DNAJC13: variants seen among roughly 807,000 people sequenced by gnomAD.
DNAJC13 encodes the protein DnaJ heat shock protein family (Hsp40) member C13.
In DNAJC13, 75 loss-of-function variants were observed where a neutral mutation model predicts 290.5. The observed-to-expected ratio is 0.26, with a 90% CI of 0.21 to 0.31. DNAJC13 has a LOEUF of 0.31. DNAJC13 is among the 10% of genes least tolerant of loss of function. The pLI, the probability that DNAJC13 is intolerant of heterozygous loss-of-function variation, is 1.00. For missense variants in DNAJC13, 2,260 were observed against 2,674.5 expected, an observed-to-expected ratio of 0.85 and a Z score of 3.42; for synonymous variants, 862 against 892.0, an observed-to-expected ratio of 0.97 and a Z score of 0.60.
At position 132,455,532 on chromosome 3, in the gene DNAJC13, A is replaced by G. The variant is rs909607933; in HGVS notation, c.933-703A>G. On this transcript the variant is annotated intron_variant, in intron 9 of 55. Coordinates refer to ENST00000260818, the MANE Select transcript of DNAJC13 (RefSeq NM_015268.4). ...AAGATGCCCACAGAGAGACTTGCAC[A>G]TGAATGTTCGTAATATCATTACTCA... Among the ~76,000 whole-genome samples the G allele has an allele frequency of 3.3e-5, 5 of 152,342 alleles. No individual in the cohort carries two copies. In the East Asian group the frequency reaches 9.6e-4, roughly 29 times the overall value.
chr3:132,530,994 C>G lies in DNAJC13; in HGVS notation c.6526-4C>G, dbSNP rs1248526089. On this transcript the variant is annotated splice_polypyrimidine_tract_variant and splice_region_variant and intron_variant, in intron 54 of 55. Transcript: ENST00000260818. ...TGTTCAAAGGGCTTGTTTTACTTTC[C>G]TAGGTGAATGAAATCCTGTGCCGTT... 4.3e-6 allele frequency: 7 copies of G among 1,612,872 alleles called. No individual in the cohort carries two copies. The highest frequency in any genetic ancestry group is 5.1e-6 in the Non-Finnish European group (6 of 1,178,918).
At position 132,450,747 on chromosome 3, in the gene DNAJC13, GA is replaced by G; in HGVS notation, c.438del (p.Val147TyrfsTer14). On this transcript the variant is annotated frameshift_variant, in exon 6 of 56. Transcript: ENST00000260818. LOFTEE classifies it high-confidence loss of function. The part of the protein sequence containing the change: ...GFDQINPATN[R>X]VLCSYDYRNI... ...GACCAAATTAATCCTGCAACCAACAGAGTACTCTGTTCCTATGACTATAGAA... is the reference window on the plus strand; with the variant it reads ...GACCAAATTAATCCTGCAACCAACAGGTACTCTGTTCCTATGACTATAGAA... The G allele has an allele frequency of 6.2e-7, 1 of 1,612,104 alleles. No homozygotes were observed. The highest frequency in any genetic ancestry group is 1.1e-5 in the South Asian group (1 of 91,030).
intron 2 of DNAJC13, among the ~76,000 whole-genome samples, chr3:132,442,127 G>T (rs1933091643): frequency 7.9e-6 from 1 of 126,504 alleles, no homozygotes. Context: ...AATGCCATAT[G>T]TTAAAAAAAA....
intron 1 of DNAJC13, among the ~76,000 whole-genome samples, chr3:132,426,008 C>A (rs567069592): frequency 6.6e-6 from 1 of 152,222 alleles, no homozygotes; most frequent in Non-Finnish European, 1.5e-5. Flanking sequence ...AATTATGTGT[C>A]TTCTAAAAGA....
chr3:132,440,594 A>G (rs1169804232), intron 2 of DNAJC13, among the ~76,000 whole-genome samples: 1 of 152,258 alleles, frequency 6.6e-6, no homozygotes, highest in African/African-American at 2.4e-5. Context: ...AGTATTAGGT[A>G]CAGTAACGTT....
intron 20 of DNAJC13, among the ~76,000 whole-genome samples, chr3:132,472,117 T>C (rs969353428): frequency 7.0e-6 from 1 of 142,028 alleles, no homozygotes; most frequent in Non-Finnish European, 1.6e-5. Context: ...GTGCCTGCAA[T>C]GGCAGGCACT....
At chr3:132,533,966 C>T (rs1052906228) in intron 55 of DNAJC13, among the ~76,000 whole-genome samples, 2 of 152,100 alleles carry the variant, frequency 1.3e-5, no homozygotes, top group Admixed American at 1.3e-4. Flanking sequence ...CTTGTCTGTG[C>T]CTTTCCTTTT....
At chr3:132,441,443 G>T (rs1933067139) in intron 2 of DNAJC13, among the ~76,000 whole-genome samples, 1 of 152,208 alleles carries the variant, frequency 6.6e-6, no homozygotes, top group Admixed American at 6.5e-5. Context: ...GAGATCTAGA[G>T]TGTGTAACAT....
chr3:132,516,734 G>A lies in DNAJC13; in HGVS notation c.5591G>A (p.Cys1864Tyr). 6.2e-7 allele frequency: 1 copy of A among 1,613,404 alleles called. No individual in the cohort carries two copies. Among genetic ancestry groups the A allele is most frequent in the East Asian group, 2.2e-5 (1 of 44,830 alleles). Residue 1864 changes from cysteine (C) to tyrosine (Y), a missense_variant, in exon 48 of 56, where the codon TGC (cysteine) becomes TAC (tyrosine). Cys to Tyr is a radical substitution (Grantham distance 194). This residue lies in a region of DNAJC13 where 1,494 missense variants were observed against 1,693.7 expected (regional missense o/e 0.88). Transcript: ENST00000260818. Reference sequence around the variant, plus strand: ...TTGATCTATTTACTGGATATGTTCTGCAATTCAACACATCCACAGGTTCGA... The same window carrying A: ...TTGATCTATTTACTGGATATGTTCTACAATTCAACACATCCACAGGTTCGA... Reference protein sequence around the residue: ...GALIYLLDMFCNSTHPQVRAQ... With the variant: ...GALIYLLDMFYNSTHPQVRAQ...
chr3:132,429,319 A>G (rs1307468983), intron 1 of DNAJC13, among the ~76,000 whole-genome samples: 1 of 151,274 alleles, frequency 6.6e-6, no homozygotes, highest in African/African-American at 2.4e-5. Context: ...TTTTTTCCTT[A>G]AAGTTGAGGG....
chr3:132,488,547 T>C (rs1934960318), intron 30 of DNAJC13, 95 bp downstream of exon 30: 1 of 1,246,244 alleles, frequency 8.0e-7, no homozygotes, highest in African/African-American at 1.5e-5. Flanking sequence ...ATTGCTTTTA[T>C]TAAAATTATA....
chr3:132,418,551 C>T (rs957536964), intron 1 of DNAJC13, among the ~76,000 whole-genome samples: 10 of 152,128 alleles, frequency 6.6e-5, no homozygotes, highest in African/African-American at 9.7e-5. Context: ...AAGATTTCAC[C>T]CTAATGTGGC....
intron 1 of DNAJC13, among the ~76,000 whole-genome samples, chr3:132,434,220 A>C (rs1407377169): frequency 1.3e-5 from 2 of 151,010 alleles, no homozygotes; most frequent in Non-Finnish European, 3.0e-5. Context: ...AAAAAAAAAA[A>C]ACAAAAAACA....
intron 54 of DNAJC13, among the ~76,000 whole-genome samples, chr3:132,530,699 A>G (rs1936390161): frequency 6.6e-6 from 1 of 152,208 alleles, no homozygotes; most frequent in African/African-American, 2.4e-5. Flanking sequence ...TCACAAGAAA[A>G]TACTCTGCAT....
intron 25 of DNAJC13, among the ~76,000 whole-genome samples, chr3:132,479,650 CTT>C (rs1004800748): frequency 2.6e-5 from 4 of 151,950 alleles, no homozygotes; most frequent in African/African-American, 9.7e-5. Context: ...AATGGAAAGT[CTT>C]TATCAGTGTA....
At chr3:132,425,891 C>G (rs1190591355) in intron 1 of DNAJC13, among the ~76,000 whole-genome samples, 1 of 152,054 alleles carries the variant, frequency 6.6e-6, no homozygotes, top group Non-Finnish European at 1.5e-5. Flanking sequence ...CCGTAATTGG[C>G]TTGAGTGTCT....
At chr3:132,523,349 G>A in intron 50 of DNAJC13, 150 bp downstream of exon 50, 1 of 1,190,000 alleles carries the variant, frequency 8.4e-7, no homozygotes, top group Non-Finnish European at 1.2e-6. Context: ...CATAAAAATT[G>A]GAATACTTAC....
chr3:132,451,849 G>T (rs1408762276), intron 6 of DNAJC13, among the ~76,000 whole-genome samples: 2 of 152,148 alleles, frequency 1.3e-5, no homozygotes, highest in Non-Finnish European at 2.9e-5. Context: ...AATATAGTTG[G>T]TTCTTCAGAG....
intron 16 of DNAJC13, among the ~76,000 whole-genome samples, chr3:132,462,953 T>C (rs1472438212): frequency 6.6e-6 from 1 of 152,224 alleles, no homozygotes; most frequent in Non-Finnish European, 1.5e-5. Flanking sequence ...GTAATTGAGC[T>C]CTAGAGATTG....
Sources: allele counts gnomAD v4.1 joint callset (sites outside exome capture counted in the v4.1 genomes callset), GRCh38; gene constraint gnomAD v4.1.1; regional missense constraint gnomAD v4.1.1; transcripts MANE v1.5; gene names NCBI Gene and HGNC (gene_info 2026-07-23, HGNC 2026-07-21).